The following ITIH6 variants were observed in gnomAD, a reference collection of about 807,000 sequenced individuals.
ITIH6 encodes inter-alpha-trypsin inhibitor heavy chain family member 6.
Under a neutral mutation model 58.2 loss-of-function variants are expected in ITIH6, and 60 were observed. That is an observed-to-expected ratio of 1.03 (90% confidence interval 0.84 to 1.28). ITIH6 has a LOEUF of 1.28. Ranked by LOEUF, ITIH6 falls within the 50% of genes most tolerant of loss-of-function variation. ITIH6 has a pLI of 0.00. For synonymous variants in ITIH6, 493 were observed against 417.4 expected (o/e 1.18, Z -2.21); for missense variants, 1,290 against 1,021.1 (o/e 1.26, Z -3.59).
chrX:54,757,169 G>A lies in ITIH6; in HGVS notation c.2905C>T (p.Leu969=), dbSNP rs369317621. 6.6e-6 allele frequency: 8 copies of A among 1,207,727 alleles called. No individual in the cohort carries two copies. The African/African-American group carries it at 1.2e-4, about 19-fold the overall frequency. The part of the protein sequence containing the change: ...PSRPGVPTMS[L]LNSSRPTPEG... ...GGTGTAGGCCTGGAGCTGTTGAGTA[G>A]GCTCATTGTTGGAACTCCTGGCCTA... Residue 969 remains leucine, a synonymous_variant, in exon 8 of 13, where the codon CTA becomes TTA. Coordinates refer to ENST00000218436, the MANE Select transcript of ITIH6 (RefSeq NM_198510.3).
chrX:54,767,596 G>T lies in ITIH6; in HGVS notation c.903+6485C>A, dbSNP rs1213147163. ...AGAGATTCTGGTATGTTGTGTCTTT[G>T]TTCTCGTTGGTTTCAAAGAACATCT... On this transcript the variant is annotated intron_variant, in intron 6 of 12. Coordinates refer to ENST00000218436, the MANE Select transcript of ITIH6 (RefSeq NM_198510.3). Among the ~76,000 whole-genome samples, 3 of 100,425 alleles carry T rather than the reference G, an allele frequency of 3.0e-5. 1 individual carries two copies. Among genetic ancestry groups the T allele is most frequent in the Non-Finnish European group, 5.9e-5 (3 of 50,770 alleles). 87.2% of individuals were successfully genotyped at this position (100,425 alleles called of 115,157 possible). A position where few individuals can be genotyped will look rare whatever the true frequency, so the allele number is the denominator to read the frequency against.
chrX:54,791,176 CTGG>C (rs2147621218), intron 3 of ITIH6, 92 bp from the exon 4 acceptor site: 2 of 940,901 alleles, frequency 2.1e-6, no homozygotes, highest in Non-Finnish European at 1.5e-6. Flanking sequence ...CCCCCCAACC[CTGG>C]TCCCAGCCGA....
Position 54,755,249 on chromosome X carries a change from C to G in ITIH6, c.3110-140G>C, listed in dbSNP as rs759780235. ...GACTGGGACCTTATGCTCTCCACAGCCTCTTAATCTCTCAAGCTCAGATAT... is the reference window on the plus strand; with the variant it reads ...GACTGGGACCTTATGCTCTCCACAGGCTCTTAATCTCTCAAGCTCAGATAT... On this transcript the variant is annotated intron_variant, in intron 8 of 12. Transcript: ENST00000218436. The G allele has an allele frequency of 8.6e-6, 4 of 464,843 alleles. No homozygotes were observed. The East Asian group carries it at 1.5e-4, about 17-fold the overall frequency. The allele number at this position is 464,843 out of a possible 1,213,427, so 38.3% of individuals were successfully genotyped here. A position where few individuals can be genotyped will look rare whatever the true frequency, so the allele number is the denominator to read the frequency against.
chrX:54,789,784 A>C (rs1189337121), intron 4 of ITIH6, among the ~76,000 whole-genome samples: 663 of 110,252 alleles, frequency 6.0e-3, no homozygotes, highest in African/African-American at 0.022. Context: ...CATCTCAGTG[A>C]GTGCCACCTA....
chrX:54,774,785 G>A (rs1341559492), intron 5 of ITIH6, among the ~76,000 whole-genome samples: 1 of 111,773 alleles, frequency 8.9e-6, no homozygotes, highest in African/African-American at 3.3e-5. Context: ...GGATGTGATT[G>A]GCTGCTGACT....
chrX:54,766,065 C>A (rs1269170988), intron 6 of ITIH6, among the ~76,000 whole-genome samples: 1 of 110,710 alleles, frequency 9.0e-6, no homozygotes, highest in African/African-American at 3.3e-5. Flanking sequence ...TCTTTTATAT[C>A]CTTGAGCAGT....
At chrX:54,761,210 A>G (rs1385804384) in intron 6 of ITIH6, among the ~76,000 whole-genome samples, 3 of 111,972 alleles carry the variant, frequency 2.7e-5, no homozygotes, top group Admixed American at 9.5e-5. Flanking sequence ...ATTTTTTCAT[A>G]TGTCTGTTGG....
intron 5 of ITIH6, 68 bp downstream of exon 5, chrX:54,788,412 G>A: frequency 1.0e-6 from 1 of 953,291 alleles, no homozygotes; most frequent in Non-Finnish European, 1.5e-6. Flanking sequence ...AACAGCTGGA[G>A]AGGCCTAATG....
At chrX:54,761,043 T>C (rs1169374717) in intron 6 of ITIH6, among the ~76,000 whole-genome samples, 4 of 112,078 alleles carry the variant, frequency 3.6e-5, no homozygotes, top group East Asian at 5.6e-4. Flanking sequence ...AACTAGTTTC[T>C]AGTCCCACCA....
intron 7 of ITIH6, among the ~76,000 whole-genome samples, 184 bp from the exon 8 acceptor site, chrX:54,759,182 C>T (rs1005643865): frequency 8.1e-5 from 9 of 111,148 alleles, no homozygotes; most frequent in Non-Finnish European, 1.7e-4. Flanking sequence ...GACATTGGGG[C>T]CCACATGTCC....
chrX:54,777,623 C>T (rs944857800), intron 5 of ITIH6, among the ~76,000 whole-genome samples: 13 of 111,125 alleles, frequency 1.2e-4, no homozygotes, highest in African/African-American at 9.8e-5. Flanking sequence ...GAGAGAGAGA[C>T]TCTGTTTGGG....
intron 5 of ITIH6, among the ~76,000 whole-genome samples, chrX:54,786,886 A>G (rs904413664): frequency 9.0e-6 from 1 of 111,611 alleles, no homozygotes; most frequent in Admixed American, 9.5e-5. Context: ...TTAGGTGCCC[A>G]GTGAGCCCCA....
At chrX:54,770,078 A>C (rs12012925) in intron 6 of ITIH6, among the ~76,000 whole-genome samples, 1 of 111,778 alleles carries the variant, frequency 8.9e-6, no homozygotes, top group Non-Finnish European at 1.9e-5. Flanking sequence ...ATATAGTCTC[A>C]TGGTGCGCCG....
At chrX:54,768,029 T>C (rs1390668733) in intron 6 of ITIH6, among the ~76,000 whole-genome samples, 1 of 101,153 alleles carries the variant, frequency 9.9e-6, no homozygotes, top group African/African-American at 4.2e-5. Flanking sequence ...GGAGTCTAAG[T>C]CTCTTTGTAG....
chrX:54,758,410 T>C lies in ITIH6; in HGVS notation c.1664A>G (p.Asn555Ser). 2.5e-6 allele frequency: 3 copies of C among 1,210,394 alleles called. No individual in the cohort carries two copies. The highest frequency in any genetic ancestry group is 2.3e-4 in the Middle Eastern group (1 of 4,352). The change falls in exon 8 of 13, where the codon AAT becomes AGT. Residue 555 changes from asparagine to serine, a missense_variant. By Grantham distance (46) the Asn-to-Ser change is conservative. Coordinates refer to ENST00000218436, the MANE Select transcript of ITIH6 (RefSeq NM_198510.3). ...GAGGCGGCGGATGAAGTGGGCCACA[T>C]TGGGGGCTGGCTCCCCTGGGCAACC... ...AFGCPGEPAP[N>S]VAHFIRRLWA...
At chrX:54,784,654 C>T (rs940602104) in intron 5 of ITIH6, among the ~76,000 whole-genome samples, 2 of 111,753 alleles carry the variant, frequency 1.8e-5, no homozygotes, top group Admixed American at 9.4e-5. Context: ...ATCATCTCAC[C>T]TCAGCTAAAA....
Position 54,758,021 on chromosome X carries a change from T to C in ITIH6, c.2053A>G (p.Lys685Glu). ...CTCTCTCCCAATGGCTCCAGCTCTTTGGAACTTAGCATCTTCTTGGTAGAG... is the reference window on the plus strand; with the variant it reads ...CTCTCTCCCAATGGCTCCAGCTCTTCGGAACTTAGCATCTTCTTGGTAGAG... ...TASTKKMLSSKELEPLGESPH... is the reference protein window; with the variant it reads ...TASTKKMLSSEELEPLGESPH... Residue 685 changes from lysine to glutamate, a missense_variant, in exon 8 of 13, where the codon AAA (lysine) becomes GAA (glutamate). By Grantham distance (56) the Lys-to-Glu change is moderately conservative (BLOSUM62 1). Transcript: ENST00000218436. 1 of 1,211,833 alleles carries C rather than the reference T, an allele frequency of 8.3e-7. No individual in the cohort carries two copies. Among genetic ancestry groups the C allele is most frequent in the Non-Finnish European group, 1.1e-6 (1 of 895,412 alleles).
chrX:54,783,412 G>A (rs1381325486), intron 5 of ITIH6, among the ~76,000 whole-genome samples: 1 of 112,064 alleles, frequency 8.9e-6, no homozygotes, highest in Non-Finnish European at 1.9e-5. Context: ...CTTGTTTGCA[G>A]ATGATATGAT....
At chrX:54,792,300 T>G (rs757764552) in intron 2 of ITIH6, among the ~76,000 whole-genome samples, 1 of 111,990 alleles carries the variant, frequency 8.9e-6, no homozygotes, top group African/African-American at 3.2e-5. Flanking sequence ...TGGATCTGGT[T>G]GTTAGAGTCT....
Sources: allele counts gnomAD v4.1 joint callset (sites outside exome capture counted in the v4.1 genomes callset), GRCh38; gene constraint gnomAD v4.1.1; transcripts MANE v1.5; gene names NCBI Gene and HGNC (gene_info 2026-07-23, HGNC 2026-07-21).